Variants in ELAC2 observed in about 807,000 individuals in gnomAD.
ELAC2 encodes zinc phosphodiesterase ELAC protein 2.
A neutral mutation model predicts 105.2 loss-of-function variants in ELAC2; 92 were observed. The ratio of observed to expected loss-of-function variants is 0.87; its 90% CI spans 0.74 to 1.04. The LOEUF is 1.04. Ranked by LOEUF, ELAC2 falls within the 50% of genes least tolerant of loss-of-function variation. The pLI, the probability that ELAC2 is intolerant of heterozygous loss-of-function variation, is 0.00. For missense variants in ELAC2, 1,099 were observed against 1,071.7 expected, an observed-to-expected ratio of 1.03 and a Z score of -0.36; for synonymous variants, 468 against 409.1, an observed-to-expected ratio of 1.14 and a Z score of -1.74.
intron 15 of ELAC2, among the ~76,000 whole-genome samples, chr17:12,998,897 T>C (rs371116000): frequency 1.3e-5 from 2 of 152,308 alleles, no homozygotes; most frequent in East Asian, 3.9e-4. Flanking sequence ...AAGCCTTCAC[T>C]GGAAGCTAGG....
intron 8 of ELAC2, 179 bp from the exon 9 acceptor site, chr17:13,006,158 G>C: frequency 1.5e-6 from 1 of 668,844 alleles, no homozygotes; most frequent in South Asian, 1.6e-5. Context: ...ATCACCTGAG[G>C]TCAGGAGTTT....
At chr17:13,015,447 G>T (rs2041663492) in intron 4 of ELAC2, among the ~76,000 whole-genome samples, 1 of 152,228 alleles carries the variant, frequency 6.6e-6, no homozygotes, top group Non-Finnish European at 1.5e-5. Flanking sequence ...CCTTTCTTGT[G>T]TGCCTACTTG....
chr17:13,009,266 T>C (rs2041277722), intron 8 of ELAC2, among the ~76,000 whole-genome samples: 1 of 152,204 alleles, frequency 6.6e-6, no homozygotes, highest in African/African-American at 2.4e-5. Flanking sequence ...TTATTTTCAC[T>C]TGTAGCTTTT....
intron 17 of ELAC2, 189 bp downstream of exon 17, chr17:12,996,358 G>A (rs2143567044): frequency 1.2e-6 from 1 of 822,356 alleles, no homozygotes; most frequent in Non-Finnish European, 2.0e-6. Flanking sequence ...AACTGAACAG[G>A]AAGAGAAGAC....
At position 12,994,449 on chromosome 17, in the gene ELAC2, T is replaced by C; in HGVS notation, c.2084A>G (p.Glu695Gly). Residue 695 changes from glutamate (E) to glycine (G), a missense_variant, in exon 22 of 24, where the codon GAG becomes GGG. Transcript: ENST00000338034. ...CCTGTGTGTCTTTTCCACTGCTTCC[T>C]CTTCCAAACCATCTTCCAGGGTGGC... is the stretch of plus-strand genomic sequence containing the variant. The part of the protein sequence containing the change: ...HEATLEDGLE[E>G]EAVEKTHSTT... 6.2e-7 allele frequency: 1 copy of C among 1,614,190 alleles called. No homozygotes were observed. Among genetic ancestry groups the C allele is most frequent in the South Asian group, 1.1e-5 (1 of 91,088 alleles).
rs746132751 is a variant in ELAC2, at chr17:13,010,671, C to T, written c.680G>A (p.Gly227Asp). 1.5e-5 allele frequency: 24 copies of T among 1,613,866 alleles called. No homozygotes were observed. Among genetic ancestry groups the T allele is most frequent in the African/African-American group, 2.7e-5 (2 of 74,902 alleles). ...CCTGACCCCTCTTCTCTGGCTAACACCTGAGGAAAAACACACTTGATTATC... is the reference window on the plus strand; with the variant it reads ...CCTGACCCCTCTTCTCTGGCTAACATCTGAGGAAAAACACACTTGATTATC... ...SNENEPHLPH[G>D]VSQRRGVRDS... Residue 227 changes from glycine (G) to aspartate (D), a missense_variant and splice_region_variant, in exon 8 of 24, where the codon GGT (glycine) becomes GAT (aspartate). Gly to Asp is a moderately conservative substitution (Grantham distance 94). Transcript: ENST00000338034.
rs998359804 is a variant in ELAC2 at position 12,993,828 on chromosome 17, T to C, written c.2112A>G (p.Thr704=). 2 of 1,614,050 alleles carry C rather than the reference T, an allele frequency of 1.2e-6. No homozygotes were observed. Among genetic ancestry groups the C allele is most frequent in the African/African-American group, 1.3e-5 (1 of 74,914 alleles). Residue 704 remains threonine, a synonymous_variant, in exon 23 of 24, where the codon ACA becomes ACG. Transcript: ENST00000338034. ...TCCCCACGCTGATGGCTTGGGACGTTGTGCTGCAGGTGAAGGACAGAGCAG... is the reference window on the plus strand; with the variant it reads ...TCCCCACGCTGATGGCTTGGGACGTCGTGCTGCAGGTGAAGGACAGAGCAG... ...EEEAVEKTHS[T]TSQAISVGMR...
At position 12,992,957 on chromosome 17, in the gene ELAC2, C is replaced by T. The variant is rs119484086; in HGVS notation, c.2342G>A (p.Arg781His). The change falls in exon 24 of 24, where the codon CGC becomes CAC. Residue 781 changes from arginine (R) to histidine (H), a missense_variant. Transcript: ENST00000338034. ...CTGCCGCAGCTCCCGCTTCTCCCTG[C>T]GCTCCTCCATCTCCTCGATGTCGCC... Reference protein sequence around the residue: ...FAGDIEEMEERREKRELRQVR... With the variant: ...FAGDIEEMEEHREKRELRQVR... 9.0e-4 allele frequency: 1,450 copies of T among 1,611,198 alleles called. 1 individual carries two copies. The highest frequency in any genetic ancestry group is 1.2e-3 in the Non-Finnish European group (1,368 of 1,180,022).
intron 1 of ELAC2, 70 bp from the exon 2 acceptor site, chr17:13,017,191 G>C: frequency 8.1e-7 from 1 of 1,240,222 alleles, no homozygotes; most frequent in South Asian, 1.2e-5. Context: ...CCAATTAGAT[G>C]TTTTATTGTA....
In ELAC2 at chr17:12,995,063, C is replaced by T. The variant is rs749375920; in HGVS notation, c.1809-1G>A. The T allele has an allele frequency of 2.5e-6, 4 of 1,613,878 alleles. No individual in the cohort carries two copies. The Admixed American group carries it at 6.7e-5, about 27-fold the overall frequency. On this transcript the variant is annotated splice_acceptor_variant, in intron 19 of 23. Transcript: ENST00000338034. LOFTEE classifies it high-confidence loss of function. ...CTGAAGGCATTTGGCAGGAATCATA[C>T]TGTAAAAAGACAAAACATTTAAAAT...
At chr17:13,000,415 G>A in intron 14 of ELAC2, 141 bp from the exon 15 acceptor site, 1 of 812,510 alleles carries the variant, frequency 1.2e-6, no homozygotes, top group East Asian at 2.5e-5. Context: ...TAAGTGACTA[G>A]GATCTGGGGC....
At chr17:13,013,098 G>T in intron 6 of ELAC2, 109 bp downstream of exon 6, 1 of 1,268,824 alleles carries the variant, frequency 7.9e-7, no homozygotes, top group South Asian at 1.2e-5. Flanking sequence ...ATCATGCTCA[G>T]AACACAAAAC....
At position 12,996,609 on chromosome 17, in the gene ELAC2, C is replaced by T; in HGVS notation, c.1597G>A (p.Asp533Asn). Residue 533 changes from aspartate to asparagine, a missense_variant, in exon 17 of 24, where the codon GAC becomes AAC. Coordinates refer to ENST00000338034, the MANE Select transcript of ELAC2 (RefSeq NM_018127.7). The part of the protein sequence containing the change: ...QLCRHYGDQV[D>N]RVLGTLAAVF... ...GCAGCCAGGGTGCCCAGGACCCTGTCCACCTGGTCTCCGTAATGACGGCAC... is the reference window on the plus strand; with the variant it reads ...GCAGCCAGGGTGCCCAGGACCCTGTTCACCTGGTCTCCGTAATGACGGCAC... The T allele has an allele frequency of 6.2e-7, 1 of 1,614,072 alleles. No homozygotes were observed. Among genetic ancestry groups the T allele is most frequent in the Non-Finnish European group, 8.5e-7 (1 of 1,180,030 alleles).
chr17:12,998,633 C>T (rs2040595676), intron 15 of ELAC2, 125 bp from the exon 16 acceptor site: 2 of 933,524 alleles, frequency 2.1e-6, no homozygotes, highest in African/African-American at 1.6e-5. Context: ...TGGAAACGTG[C>T]TCCCTAGTAT....
At chr17:13,007,206 G>A (rs8078508) in intron 8 of ELAC2, among the ~76,000 whole-genome samples, 41,749 of 151,100 alleles carry the variant, frequency 0.28, 5,910 homozygotes, top group Middle Eastern at 0.34. Context: ...TCATTTTATA[G>A]GAAAAAAAAA....
At position 12,994,424 on chromosome 17, in the gene ELAC2, C is replaced by T. The variant is rs1598195844; in HGVS notation, c.2108+1G>A. The T allele has an allele frequency of 6.2e-7, 1 of 1,614,172 alleles. No homozygotes were observed. Among genetic ancestry groups the T allele is most frequent in the Non-Finnish European group, 8.5e-7 (1 of 1,180,028 alleles). ...GACAAGGACTGACCGGCCTTTGCTA[C>T]CTGTGTGTCTTTTCCACTGCTTCCT... On this transcript the variant is annotated splice_donor_variant, in intron 22 of 23. Coordinates refer to ENST00000338034, the MANE Select transcript of ELAC2 (RefSeq NM_018127.7). LOFTEE classifies it high-confidence loss of function.
chr17:13,013,857 G>A (rs1004065135), intron 5 of ELAC2, among the ~76,000 whole-genome samples: 3 of 152,054 alleles, frequency 2.0e-5, no homozygotes, highest in East Asian at 3.9e-4. Context: ...GCAACTCAAC[G>A]ACGAGAAGCA....
At chr17:13,007,491 T>C (rs2041174223) in intron 8 of ELAC2, among the ~76,000 whole-genome samples, 2 of 152,206 alleles carry the variant, frequency 1.3e-5, no homozygotes, top group African/African-American at 4.8e-5. Context: ...ATGGCTGACA[T>C]CTTTAGATAA....
Position 13,010,667 on chromosome 17 carries a change from A to G in ELAC2, c.684T>C (p.Val228=), listed in dbSNP as rs774574010. ...AGTCCCTGACCCCTCTTCTCTGGCT[A>G]ACACCTGAGGAAAAACACACTTGAT... is the stretch of plus-strand genomic sequence containing the variant. ...NENEPHLPHG[V]SQRRGVRDSS... Residue 228 remains valine (V), a synonymous_variant, in exon 8 of 24, where the codon GTT becomes GTC. Transcript: ENST00000338034. 1.4e-5 allele frequency: 23 copies of G among 1,614,074 alleles called. No individual in the cohort carries two copies. Among genetic ancestry groups the G allele is most frequent in the Non-Finnish European group, 1.8e-5 (21 of 1,179,970 alleles).
Sources: gnomAD v4.1 joint callset for allele counts (sites outside exome capture counted in the v4.1 genomes callset) on GRCh38, gnomAD v4.1.1 for gene constraint, MANE v1.5 for transcripts, NCBI Gene and HGNC (gene_info 2026-07-23, HGNC 2026-07-21) for gene names.